The following RBFOX3 variants were observed in gnomAD, a reference collection of about 807,000 sequenced individuals.
The protein encoded by RBFOX3 is RNA binding fox-1 homolog 3.
RBFOX3 carries 17 observed loss-of-function variants against 48.7 expected under a neutral mutation model. That is an observed-to-expected ratio of 0.35 (90% CI 0.24 to 0.52). The LOEUF (loss-of-function observed/expected upper bound fraction) is 0.52, where lower values mean the gene tolerates loss of function less well. Ranked by LOEUF, RBFOX3 falls within the 20% of genes least tolerant of loss-of-function variation. RBFOX3 has a pLI of 0.94. For synonymous variants in RBFOX3, 212 were observed against 209.5 expected (o/e 1.01, Z -0.10); for missense variants, 382 against 497.5 (o/e 0.77, Z 2.21).
In RBFOX3 at chr17:79,473,881, G is replaced by T. The variant is rs1471059713; in HGVS notation, c.-175+8573C>A. ...GCAGAACTAAAGTTAGGCTTGCCTT[G>T]ACCTCTACTTCTAAATTAATTTTCC... On this transcript the variant is annotated intron_variant, in intron 2 of 14. Coordinates refer to ENST00000693108, the MANE Select transcript of RBFOX3 (RefSeq NM_001350451.2). This position sits in a 1 kb window ranked among gnomAD's most constrained non-coding sequence, Gnocchi z 4.2. Among the ~76,000 whole-genome samples, 1 of 152,016 alleles carries T rather than the reference G, an allele frequency of 6.6e-6. No homozygotes were observed. Among genetic ancestry groups the T allele is most frequent in the African/African-American group, 2.4e-5 (1 of 41,366 alleles).
At chr17:79,444,599 G>A (rs1284604295) in intron 2 of RBFOX3, among the ~76,000 whole-genome samples, 1 of 151,968 alleles carries the variant, frequency 6.6e-6, no homozygotes, top group Admixed American at 6.5e-5. Flanking sequence ...ACTCCTCTCT[G>A]TCCCCTGATG....
At chr17:79,300,786 C>T (rs1342839025) in intron 3 of RBFOX3, among the ~76,000 whole-genome samples, 1 of 152,176 alleles carries the variant, frequency 6.6e-6, no homozygotes, top group African/African-American at 2.4e-5. Flanking sequence ...TGCCTCTGCA[C>T]CAGAGACCTT....
chr17:79,321,874 T>G (rs754261015), intron 2 of RBFOX3, among the ~76,000 whole-genome samples: 2 of 151,976 alleles, frequency 1.3e-5, no homozygotes, highest in Non-Finnish European at 2.9e-5. Flanking sequence ...TCCGGCTAAT[T>G]TTTGTATTTT....
At chr17:79,216,474 G>T (rs559322551) in intron 4 of RBFOX3, among the ~76,000 whole-genome samples, 1 of 152,284 alleles carries the variant, frequency 6.6e-6, no homozygotes, top group South Asian at 2.1e-4. Flanking sequence ...TGTAGGAGCA[G>T]CTTAGAGGTA....
intron 2 of RBFOX3, among the ~76,000 whole-genome samples, chr17:79,409,571 G>A (rs2063997859): frequency 6.6e-6 from 1 of 152,172 alleles, no homozygotes; most frequent in South Asian, 2.1e-4. Context: ...GTAGATATAT[G>A]GCCTTCTGAA....
chr17:79,096,284 C>T (rs2146276179), intron 12 of RBFOX3, among the ~76,000 whole-genome samples: 1 of 152,262 alleles, frequency 6.6e-6, no homozygotes, highest in East Asian at 1.9e-4. Flanking sequence ...GCCTCCTGGC[C>T]CCTCTTGCAG....
At chr17:79,154,814 C>A (rs2045401857) in intron 4 of RBFOX3, among the ~76,000 whole-genome samples, 1 of 151,880 alleles carries the variant, frequency 6.6e-6, no homozygotes, top group Non-Finnish European at 1.5e-5. Flanking sequence ...CTGGGCCTCC[C>A]CCAAACCCTC....
At chr17:79,571,944 C>A (rs1321747712) in intron 1 of RBFOX3, among the ~76,000 whole-genome samples, 1 of 152,182 alleles carries the variant, frequency 6.6e-6, no homozygotes, top group Non-Finnish European at 1.5e-5. Context: ...CACTGCCGAC[C>A]CCTCACCTGC....
At chr17:79,592,815 G>A (rs892720605) in intron 1 of RBFOX3, among the ~76,000 whole-genome samples, 8 of 152,266 alleles carry the variant, frequency 5.3e-5, no homozygotes, top group South Asian at 4.1e-4. Flanking sequence ...CAGTCCTGGC[G>A]CATCCCAAAT....
At chr17:79,355,989 G>A (rs1200868701) in intron 2 of RBFOX3, among the ~76,000 whole-genome samples, 1 of 152,224 alleles carries the variant, frequency 6.6e-6, no homozygotes, top group Non-Finnish European at 1.5e-5. Context: ...TCCATAGTCT[G>A]ACATCTGGCT....
intron 2 of RBFOX3, among the ~76,000 whole-genome samples, chr17:79,360,573 C>T (rs1037083769): frequency 6.6e-6 from 1 of 152,204 alleles, no homozygotes; most frequent in Non-Finnish European, 1.5e-5. Context: ...ATGGGACAAG[C>T]TCTCACCGCT....
intron 1 of RBFOX3, among the ~76,000 whole-genome samples, chr17:79,490,169 C>T (rs947733015): frequency 2.0e-5 from 3 of 152,142 alleles, no homozygotes; most frequent in African/African-American, 4.8e-5. Flanking sequence ...TGGTGGGAGT[C>T]GGTGACAATT....
intron 1 of RBFOX3, among the ~76,000 whole-genome samples, chr17:79,485,538 C>T (rs776781045): frequency 1.4e-3 from 212 of 152,326 alleles, no homozygotes; most frequent in Middle Eastern, 3.4e-3. Context: ...TTGCTCCTCC[C>T]CCATCCAGCC....
Position 79,477,344 on chromosome 17 carries a change from C to G in RBFOX3, c.-175+5110G>C, listed in dbSNP as rs769668353. Among the ~76,000 whole-genome samples, 5 of 150,450 alleles carry G rather than the reference C, an allele frequency of 3.3e-5. No homozygotes were observed. The South Asian group carries it at 8.4e-4, about 25-fold the overall frequency. On this transcript the variant is annotated intron_variant, in intron 2 of 14. Transcript: ENST00000693108. This position sits in a 1 kb window ranked among gnomAD's most constrained non-coding sequence, Gnocchi z 4.8. ...GGCCAAGGCAGGTGGATCACGAGGT[C>G]AGGAGATCGAGATCATCCTGGCTAA...
At chr17:79,293,379 C>T (rs1399280521) in intron 3 of RBFOX3, among the ~76,000 whole-genome samples, 1 of 136,878 alleles carries the variant, frequency 7.3e-6, no homozygotes, top group African/African-American at 2.7e-5. Context: ...CCTCCCTCCC[C>T]TCCCTTTCCT....
At chr17:79,611,159 T>C (rs1218085307), upstream of RBFOX3, among the ~76,000 whole-genome samples, 1 of 34,430 alleles carries the variant, frequency 2.9e-5, no homozygotes, top group East Asian at 5.9e-4. Flanking sequence ...TCTCTCTCTC[T>C]CTCTCTCTCT....
intron 4 of RBFOX3, among the ~76,000 whole-genome samples, chr17:79,185,235 G>A (rs987633512): frequency 6.6e-6 from 1 of 152,232 alleles, no homozygotes; most frequent in Non-Finnish European, 1.5e-5. Flanking sequence ...CCTGCTCTGT[G>A]TTCCCTCTGG....
At chr17:79,257,683 C>T (rs148384179) in intron 3 of RBFOX3, among the ~76,000 whole-genome samples, 6,003 of 152,234 alleles carry the variant, frequency 0.039, 179 homozygotes, top group Admixed American at 0.072. Context: ...TGTGTTCAAG[C>T]GATTCTCCCG....
chr17:79,367,308 C>T (rs1203171844), intron 2 of RBFOX3, among the ~76,000 whole-genome samples: 15 of 139,578 alleles, frequency 1.1e-4, no homozygotes, highest in Non-Finnish European at 1.5e-5. Flanking sequence ...CTCTCCTCTT[C>T]CCCCTTCCCC....
Sources: allele counts gnomAD v4.1 joint callset (sites outside exome capture counted in the v4.1 genomes callset), GRCh38; gene constraint gnomAD v4.1.1; non-coding constraint Gnocchi (gnomAD v3.1); transcripts MANE v1.5; gene names NCBI Gene and HGNC (gene_info 2026-07-23, HGNC 2026-07-21).